ST6GALNAC3: variants seen among roughly 807,000 people sequenced by gnomAD.
ST6GALNAC3 encodes the protein alpha-N-acetylgalactosaminide alpha-2,6-sialyltransferase 3.
A neutral mutation model predicts 32.7 loss-of-function variants in ST6GALNAC3; 25 were observed. The ratio of observed to expected loss-of-function variants is 0.76; its 90% CI spans 0.56 to 1.07. The LOEUF is 1.07. Ranked by LOEUF, ST6GALNAC3 falls within the 50% of genes least tolerant of loss-of-function variation. The probability of loss-of-function intolerance (pLI) is 0.00; values close to 1 mark genes in which losing one functional copy is unlikely to be tolerated. For missense variants in ST6GALNAC3, 355 were observed against 382.4 expected, an observed-to-expected ratio of 0.93 and a Z score of 0.60; for synonymous variants, 129 against 133.1, an observed-to-expected ratio of 0.97 and a Z score of 0.21.
intron 3 of ST6GALNAC3, among the ~76,000 whole-genome samples, chr1:76,597,317 G>A (rs1253438086): frequency 6.6e-6 from 1 of 152,054 alleles, no homozygotes; most frequent in Admixed American, 6.6e-5. Flanking sequence ...CGCTTGCTGG[G>A]TCCTGGTAAT....
At chr1:76,533,402 A>G (rs1256397965) in intron 3 of ST6GALNAC3, among the ~76,000 whole-genome samples, 1 of 152,144 alleles carries the variant, frequency 6.6e-6, no homozygotes, top group Non-Finnish European at 1.5e-5. Context: ...GTGGGTTCCC[A>G]GATACTTTGC....
intron 1 of ST6GALNAC3, among the ~76,000 whole-genome samples, chr1:76,083,405 G>A (rs1177524319): frequency 6.6e-6 from 1 of 152,244 alleles, no homozygotes. Flanking sequence ...CTCTCTTTGT[G>A]AAGCGTTTGC....
At chr1:76,319,855 C>T (rs1369420563) in intron 2 of ST6GALNAC3, among the ~76,000 whole-genome samples, 2 of 152,146 alleles carry the variant, frequency 1.3e-5, no homozygotes, top group African/African-American at 4.8e-5. Flanking sequence ...ACAGCCCCAC[C>T]CCTACCAGCA....
At position 76,476,317 on chromosome 1, in the gene ST6GALNAC3, C is replaced by A. The variant is rs185507054; in HGVS notation, c.623+63900C>A. On this transcript the variant is annotated intron_variant, in intron 3 of 4. Transcript: ENST00000328299. Reference sequence around the variant, plus strand: ...ATACTTCTTTGTTATTTCTTACAACCCTTTTAAATGTGTAAAAACTATTCC... The same window carrying A: ...ATACTTCTTTGTTATTTCTTACAACACTTTTAAATGTGTAAAAACTATTCC... Among the ~76,000 whole-genome samples the A allele has an allele frequency of 2.6e-3, 401 of 152,194 alleles. 2 individuals are homozygous for A. Among genetic ancestry groups the A allele is most frequent in the African/African-American group, 9.2e-3 (384 of 41,530 alleles).
chr1:76,359,444 C>T (rs1467991555), intron 2 of ST6GALNAC3, among the ~76,000 whole-genome samples: 1 of 152,094 alleles, frequency 6.6e-6, no homozygotes, highest in Non-Finnish European at 1.5e-5. Context: ...TAGAAATTCA[C>T]ACAGGAAGAA....
chr1:76,517,761 A>G (rs920400107), intron 3 of ST6GALNAC3, among the ~76,000 whole-genome samples: 3 of 123,440 alleles, frequency 2.4e-5, no homozygotes, highest in Non-Finnish European at 5.7e-5. Context: ...ACAGCGACTC[A>G]GTGATTTTAA....
chr1:76,513,612 G>A (rs1172616568), intron 3 of ST6GALNAC3, among the ~76,000 whole-genome samples: 5 of 151,918 alleles, frequency 3.3e-5, no homozygotes, highest in Admixed American at 6.6e-5. Context: ...TAGCTATGTC[G>A]GGCCTTTTGT....
intron 1 of ST6GALNAC3, among the ~76,000 whole-genome samples, chr1:76,165,652 C>G (rs1489726636): frequency 6.6e-6 from 1 of 152,152 alleles, no homozygotes; most frequent in African/African-American, 2.4e-5. Flanking sequence ...ATAACCATTC[C>G]TTTTTCTCCA....
intron 1 of ST6GALNAC3, among the ~76,000 whole-genome samples, chr1:76,249,584 T>C (rs1657496219): frequency 6.6e-6 from 1 of 152,202 alleles, no homozygotes; most frequent in Non-Finnish European, 1.5e-5. Context: ...TGAACATTTA[T>C]GTACAGGTTT....
intron 3 of ST6GALNAC3, among the ~76,000 whole-genome samples, chr1:76,465,035 T>C (rs1658536034): frequency 6.6e-6 from 1 of 152,180 alleles, no homozygotes; most frequent in South Asian, 2.1e-4. Context: ...AAACAAAATC[T>C]GATTGGGATT....
In ST6GALNAC3 at chr1:76,506,868, A is replaced by G. The variant is rs147222194; in HGVS notation, c.623+94451A>G. Among the ~76,000 whole-genome samples the G allele has an allele frequency of 1.6e-3, 241 of 152,350 alleles. 9 individuals are homozygous for G. The highest frequency in any genetic ancestry group is 0.012 in the Admixed American group (190 of 15,304). On this transcript the variant is annotated intron_variant, in intron 3 of 4. Coordinates refer to ENST00000328299, the MANE Select transcript of ST6GALNAC3 (RefSeq NM_152996.4). ...ACTGGAAGTCAATAGAAGTAAATATATATGAATGTTGACATAGTGGAGTGG... is the reference window on the plus strand; with the variant it reads ...ACTGGAAGTCAATAGAAGTAAATATGTATGAATGTTGACATAGTGGAGTGG...
chr1:76,523,372 C>T (rs568950583), intron 3 of ST6GALNAC3, among the ~76,000 whole-genome samples: 277 of 152,076 alleles, frequency 1.8e-3, no homozygotes, highest in African/African-American at 6.5e-3. Context: ...GGGTTTTGGA[C>T]CCATGGCCCT....
intron 1 of ST6GALNAC3, among the ~76,000 whole-genome samples, chr1:76,202,782 T>C (rs1654607233): frequency 6.6e-6 from 1 of 152,190 alleles, no homozygotes; most frequent in Non-Finnish European, 1.5e-5. Flanking sequence ...CCTCAGAGCA[T>C]TGTATTTTCA....
Position 76,511,272 on chromosome 1 carries a change from C to A in ST6GALNAC3, c.623+98855C>A, listed in dbSNP as rs146297266. Among the ~76,000 whole-genome samples, 279 of 152,308 alleles carry A rather than the reference C, an allele frequency of 1.8e-3. 4 individuals carry two copies. Among genetic ancestry groups the A allele is most frequent in the Admixed American group, 0.014 (218 of 15,288 alleles). On this transcript the variant is annotated intron_variant, in intron 3 of 4. Transcript: ENST00000328299. ...TCCTTTAACTCTCATTTGAAGCCCT[C>A]AAGTGTCTGACCTCAGTCCTCCTCT...
chr1:76,291,325 C>T (rs1660074528), intron 1 of ST6GALNAC3, among the ~76,000 whole-genome samples: 1 of 152,226 alleles, frequency 6.6e-6, no homozygotes, highest in African/African-American at 2.4e-5. Context: ...CCATCAGCCA[C>T]GCCAGCCGAA....
intron 1 of ST6GALNAC3, among the ~76,000 whole-genome samples, chr1:76,311,936 G>A (rs2100888516): frequency 6.6e-6 from 1 of 152,242 alleles, no homozygotes; most frequent in South Asian, 2.1e-4. Flanking sequence ...GTCCTCTCCA[G>A]CATCTGTTGT....
intron 1 of ST6GALNAC3, among the ~76,000 whole-genome samples, chr1:76,082,437 G>T (rs1164234613): frequency 6.6e-6 from 1 of 152,134 alleles, no homozygotes; most frequent in East Asian, 1.9e-4. Flanking sequence ...AAAAAAGGGG[G>T]TGCTAAACCC....
At chr1:76,527,424 G>A (rs889584630) in intron 3 of ST6GALNAC3, among the ~76,000 whole-genome samples, 2 of 152,042 alleles carry the variant, frequency 1.3e-5, no homozygotes, top group African/African-American at 2.4e-5. Context: ...AGTTGTAATT[G>A]TGTCCATGAA....
intron 1 of ST6GALNAC3, among the ~76,000 whole-genome samples, chr1:76,156,716 A>G (rs909539145): frequency 1.3e-5 from 2 of 152,120 alleles, no homozygotes; most frequent in Non-Finnish European, 2.9e-5. Context: ...TCCTTGAATC[A>G]GTCATTTCTC....
Sources: allele counts gnomAD v4.1 joint callset (sites outside exome capture counted in the v4.1 genomes callset), GRCh38; gene constraint gnomAD v4.1.1; transcripts MANE v1.5; gene names NCBI Gene and HGNC (gene_info 2026-07-23, HGNC 2026-07-21).